The following PLPP4 variants were observed in gnomAD, a reference collection of about 807,000 sequenced individuals.
The protein encoded by PLPP4 is diacylglycerol pyrophosphate like 2.
PLPP4 carries 20 observed loss-of-function variants against 32.2 expected under a neutral mutation model. The ratio of observed to expected loss-of-function variants is 0.62; its 90% confidence interval spans 0.44 to 0.90. The LOEUF (loss-of-function observed/expected upper bound fraction) is 0.90. Among genes scored for constraint, PLPP4 ranks in the 40% least tolerant of loss-of-function variants. The probability of loss-of-function intolerance (pLI) is 0.00; values close to 1 mark genes in which losing one functional copy is unlikely to be tolerated. For missense variants in PLPP4, 257 were observed against 353.1 expected (o/e 0.73, Z 2.18); for synonymous variants, 127 against 133.0 (o/e 0.95, Z 0.31).
intron 1 of PLPP4, among the ~76,000 whole-genome samples, chr10:120,470,892 G>GT: frequency 6.6e-6 from 1 of 152,230 alleles, no homozygotes; most frequent in South Asian, 2.1e-4. Flanking sequence ...ATTTGGGTAG[G>GT]TTGCTTCATG....
intron 5 of PLPP4, among the ~76,000 whole-genome samples, chr10:120,526,513 A>G (rs1312201157): frequency 2.0e-5 from 3 of 152,088 alleles, no homozygotes; most frequent in Non-Finnish European, 4.4e-5. Context: ...GAGGCTCTTC[A>G]TACTCCTGCC....
At chr10:120,569,592 G>A (rs770767884) in intron 5 of PLPP4, among the ~76,000 whole-genome samples, 3 of 152,176 alleles carry the variant, frequency 2.0e-5, no homozygotes, top group Non-Finnish European at 4.4e-5. Context: ...ACAAGACTGT[G>A]CAACCCTTTC....
intron 1 of PLPP4, among the ~76,000 whole-genome samples, chr10:120,489,739 AT>A (rs1844626709): frequency 2.0e-5 from 3 of 152,126 alleles, no homozygotes; most frequent in Admixed American, 2.0e-4. Context: ...CATGAGTTAC[AT>A]TTAAAAAAAA....
intron 1 of PLPP4, among the ~76,000 whole-genome samples, chr10:120,496,470 T>G (rs140204263): frequency 6.6e-6 from 1 of 152,210 alleles, no homozygotes; most frequent in Non-Finnish European, 1.5e-5. Flanking sequence ...CAGGTGGCTC[T>G]GGGTGGGAGG....
intron 5 of PLPP4, among the ~76,000 whole-genome samples, chr10:120,567,842 C>T (rs1027390527): frequency 6.6e-6 from 1 of 152,154 alleles, no homozygotes; most frequent in African/African-American, 2.4e-5. Context: ...TTTCTAAATT[C>T]AGATGGCATA....
rs1242675164 is a variant in PLPP4 at position 120,500,684 on chromosome 10, G to GT, written c.57-3134_57-3133insT. On this transcript the variant is annotated intron_variant, in intron 1 of 6. Transcript: ENST00000398250. ...AGAGGAAGGGTTTTTCTGGGGGTGG[G>GT]GGGGTGGGGTGGGGTTCCAGATCCT... 5.0e-5 allele frequency among the ~76,000 whole-genome samples: 7 copies of GT among 141,220 alleles called. No homozygotes were observed. The South Asian group carries it at 7.9e-4, about 16-fold the overall frequency. 92.6% of individuals were successfully genotyped at this position (141,220 alleles called of 152,430 possible).
chr10:120,577,351 G>A (rs1354248248), intron 6 of PLPP4, among the ~76,000 whole-genome samples: 1 of 152,170 alleles, frequency 6.6e-6, no homozygotes, highest in African/African-American at 2.4e-5. Flanking sequence ...CCTAGGATGT[G>A]AGGCTGGCCT....
intron 5 of PLPP4, among the ~76,000 whole-genome samples, chr10:120,567,146 C>T (rs552763484): frequency 2.0e-5 from 3 of 152,062 alleles, no homozygotes; most frequent in Non-Finnish European, 2.9e-5. Context: ...TTTAATATTT[C>T]GTCTAACATT....
At chr10:120,480,598 G>A (rs1383055979) in intron 1 of PLPP4, among the ~76,000 whole-genome samples, 2 of 152,238 alleles carry the variant, frequency 1.3e-5, no homozygotes, top group East Asian at 3.8e-4. Flanking sequence ...CTTCAGCAGA[G>A]CTGGCAGCAG....
At chr10:120,516,365 G>A (rs1273282642) in intron 3 of PLPP4, among the ~76,000 whole-genome samples, 1 of 152,216 alleles carries the variant, frequency 6.6e-6, no homozygotes, top group East Asian at 1.9e-4. Context: ...CAGGTAAACA[G>A]TGGCCATGTT....
intron 5 of PLPP4, among the ~76,000 whole-genome samples, chr10:120,568,200 C>T (rs1007374048): frequency 2.0e-5 from 3 of 152,220 alleles, no homozygotes. Context: ...CAGACTGTCC[C>T]TATTGGTCAG....
chr10:120,473,792 A>C (rs555612986), intron 1 of PLPP4, among the ~76,000 whole-genome samples: 34 of 152,184 alleles, frequency 2.2e-4, no homozygotes, highest in Admixed American at 1.7e-3. Flanking sequence ...CCCTGCTGCC[A>C]GGTGACGATG....
chr10:120,561,358 G>T (rs999026215), intron 5 of PLPP4, among the ~76,000 whole-genome samples: 3 of 151,782 alleles, frequency 2.0e-5, no homozygotes, highest in African/African-American at 7.3e-5. Context: ...TTTCCATATG[G>T]ATACCGGCAC....
chr10:120,569,238 CA>C (rs34266666), intron 5 of PLPP4, among the ~76,000 whole-genome samples: 15,297 of 141,160 alleles, frequency 0.11, 1,191 homozygotes, highest in African/African-American at 0.22. Context: ...GACTCCATCT[CA>C]AAAAAAAAAA....
At chr10:120,504,606 A>G (rs1403375385) in intron 2 of PLPP4, among the ~76,000 whole-genome samples, 1 of 152,150 alleles carries the variant, frequency 6.6e-6, no homozygotes, top group Non-Finnish European at 1.5e-5. Flanking sequence ...CCTAGTGCCT[A>G]TTTTATTTTT....
At chr10:120,521,793 C>A (rs557748908) in intron 5 of PLPP4, among the ~76,000 whole-genome samples, 1 of 152,202 alleles carries the variant, frequency 6.6e-6, no homozygotes, top group African/African-American at 2.4e-5. Flanking sequence ...TGGTGATGAT[C>A]GCTCACATTT....
At chr10:120,504,001 T>C (rs1845386435) in intron 2 of PLPP4, 75 bp downstream of exon 2, 1 of 1,051,072 alleles carries the variant, frequency 9.5e-7, no homozygotes, top group Non-Finnish European at 1.5e-6. Context: ...TCTTTGTTTT[T>C]CTAACCCTGA....
intron 1 of PLPP4, among the ~76,000 whole-genome samples, chr10:120,484,664 T>C (rs942523128): frequency 2.0e-5 from 3 of 152,218 alleles, no homozygotes; most frequent in Non-Finnish European, 4.4e-5. Flanking sequence ...GGATCACCTC[T>C]TAATACTGTT....
intron 5 of PLPP4, among the ~76,000 whole-genome samples, chr10:120,534,222 A>G (rs1846886920): frequency 1.3e-5 from 2 of 151,668 alleles, no homozygotes; most frequent in African/African-American, 4.8e-5. Context: ...TATTTGAACA[A>G]TGATTTTGTC....
Sources: allele counts gnomAD v4.1 joint callset (sites outside exome capture counted in the v4.1 genomes callset), GRCh38; gene constraint gnomAD v4.1.1; transcripts MANE v1.5; gene names NCBI Gene and HGNC (gene_info 2026-07-23, HGNC 2026-07-21).